The following STK33 variants were observed in gnomAD, a reference collection of about 807,000 sequenced individuals.
The protein encoded by STK33 is serine/threonine kinase 33.
In STK33, 52 loss-of-function variants were observed where a neutral mutation model predicts 58.0. The observed-to-expected ratio is 0.90, with a 90% CI of 0.72 to 1.13. STK33 has a LOEUF of 1.13. Among genes scored for constraint, STK33 ranks in the 50% most tolerant of loss-of-function variants. The pLI, the probability that STK33 is intolerant of heterozygous loss-of-function variation, is 0.00. For synonymous variants in STK33, 215 were observed against 200.1 expected (o/e 1.07, Z -0.63); for missense variants, 630 against 604.2 (o/e 1.04, Z -0.45).
the STK33 span, among the ~76,000 whole-genome samples, chr11:8,350,450 C>A: frequency 2.6e-3 from 391 of 152,286 alleles, 1 homozygote; most frequent in African/African-American, 8.9e-3. Flanking sequence ...CGGATGCCCC[C>A]GCCCTGCCCC....
intron 1 of STK33, among the ~76,000 whole-genome samples, chr11:8,501,413 G>A (rs1331500345): frequency 6.6e-6 from 1 of 152,048 alleles, no homozygotes; most frequent in African/African-American, 2.4e-5. Context: ...ATATACAAAT[G>A]GCCAATAAGC....
At chr11:8,399,982 T>C (rs1437944416) in intron 15 of STK33, among the ~76,000 whole-genome samples, 2 of 151,914 alleles carry the variant, frequency 1.3e-5, no homozygotes, top group African/African-American at 2.4e-5. Context: ...AATTAATAGC[T>C]TACCAACCAA....
chr11:8,537,091 C>T (rs944840763), intron 1 of STK33, among the ~76,000 whole-genome samples: 3 of 136,974 alleles, frequency 2.2e-5, no homozygotes, highest in Non-Finnish European at 4.6e-5. Context: ...AGTGATTCTC[C>T]ACATCAGCCT....
At chr11:8,429,552 C>G (rs1390367644) in intron 14 of STK33, among the ~76,000 whole-genome samples, 1 of 152,126 alleles carries the variant, frequency 6.6e-6, no homozygotes, top group Non-Finnish European at 1.5e-5. Context: ...CTTCTCTGTT[C>G]CCACTCACTG....
At chr11:8,520,596 C>CA (rs1280068510) in intron 1 of STK33, among the ~76,000 whole-genome samples, 1 of 152,150 alleles carries the variant, frequency 6.6e-6, no homozygotes, top group East Asian at 1.9e-4. Context: ...TAGAAAACCC[C>CA]ATCGTCTCGG....
intron 15 of STK33, among the ~76,000 whole-genome samples, chr11:8,396,193 T>C (rs1369223897): frequency 6.6e-6 from 1 of 152,154 alleles, no homozygotes; most frequent in Admixed American, 6.6e-5. Context: ...AACCTCCGCC[T>C]CCCGGGTTCA....
At chr11:8,515,433 T>G (rs1041641964) in intron 1 of STK33, among the ~76,000 whole-genome samples, 2 of 152,090 alleles carry the variant, frequency 1.3e-5, no homozygotes, top group African/African-American at 4.8e-5. Flanking sequence ...CTCCCAACAA[T>G]GAAAAGCCCA....
At chr11:8,529,711 G>A (rs372842209) in intron 1 of STK33, among the ~76,000 whole-genome samples, 2 of 152,014 alleles carry the variant, frequency 1.3e-5, no homozygotes, top group East Asian at 3.9e-4. Flanking sequence ...AGAAAGACTC[G>A]TTAAAGATGA....
intron 8 of STK33, 65 bp from the exon 9 acceptor site, chr11:8,457,544 T>C (rs1591230691): frequency 3.1e-6 from 4 of 1,294,746 alleles, no homozygotes; most frequent in African/African-American, 1.5e-5. Flanking sequence ...TAAAATGTTA[T>C]ATATCACATA....
At chr11:8,393,915 G>A (rs1243461039) in intron 15 of STK33, among the ~76,000 whole-genome samples, 2 of 152,158 alleles carry the variant, frequency 1.3e-5, no homozygotes, top group Non-Finnish European at 2.9e-5. Flanking sequence ...TCCACCTGAT[G>A]TTTGCTTGCT....
the STK33 span, among the ~76,000 whole-genome samples, chr11:8,349,856 C>A: frequency 2.0e-5 from 3 of 152,254 alleles, no homozygotes; most frequent in Non-Finnish European, 4.4e-5. Flanking sequence ...CTCTGTCCTT[C>A]ACCCACTCCT....
chr11:8,362,185 A>G, the STK33 span, among the ~76,000 whole-genome samples: 7 of 152,212 alleles, frequency 4.6e-5, no homozygotes, highest in Non-Finnish European at 8.8e-5. Flanking sequence ...AAGGTCACAT[A>G]TCGGCAACCG....
chr11:8,457,084 G>A (rs1946947081), intron 9 of STK33, among the ~76,000 whole-genome samples: 2 of 152,036 alleles, frequency 1.3e-5, no homozygotes, highest in African/African-American at 4.8e-5. Context: ...CCATTGATTT[G>A]TCTACTTTTG....
At chr11:8,589,749 G>T (rs2032296506) in intron 1 of STK33, among the ~76,000 whole-genome samples, 1 of 152,098 alleles carries the variant, frequency 6.6e-6, no homozygotes, top group African/African-American at 2.4e-5. Context: ...AAGCAATAAA[G>T]AAGTTAACTT....
intron 1 of STK33, among the ~76,000 whole-genome samples, chr11:8,523,440 G>A (rs1174543788): frequency 1.8e-4 from 27 of 151,288 alleles, no homozygotes; most frequent in African/African-American, 5.8e-4. Flanking sequence ...GTCTCTGCCC[G>A]GCCGCCCCGT....
chr11:8,409,178 T>C (rs1341424800), intron 15 of STK33, among the ~76,000 whole-genome samples: 1 of 152,156 alleles, frequency 6.6e-6, no homozygotes, highest in African/African-American at 2.4e-5. Flanking sequence ...ACTGCAAAAA[T>C]CTCAGTATCT....
At chr11:8,577,200 C>T (rs1376009731) in intron 1 of STK33, among the ~76,000 whole-genome samples, 2 of 151,950 alleles carry the variant, frequency 1.3e-5, no homozygotes, top group African/African-American at 2.4e-5. Flanking sequence ...GTCTCAAACA[C>T]AATACAAATA....
At chr11:8,568,648 ATT>A (rs1410596876) in intron 1 of STK33, among the ~76,000 whole-genome samples, 2 of 152,196 alleles carry the variant, frequency 1.3e-5, no homozygotes, top group Non-Finnish European at 2.9e-5. Context: ...TTATTATAGT[ATT>A]TGATACTTCA....
intron 11 of STK33, among the ~76,000 whole-genome samples, chr11:8,452,004 A>G (rs1292568808): frequency 6.6e-6 from 1 of 152,172 alleles, no homozygotes; most frequent in Non-Finnish European, 1.5e-5. Context: ...GGAGTTTTAG[A>G]TCAGCCCGGC....
Sources: gnomAD v4.1 joint callset for allele counts (sites outside exome capture counted in the v4.1 genomes callset) on GRCh38, gnomAD v4.1.1 for gene constraint, MANE v1.5 for transcripts, NCBI Gene and HGNC (gene_info 2026-07-23, HGNC 2026-07-21) for gene names.